TTC39C: variants seen among roughly 807,000 people sequenced by gnomAD.
TTC39C encodes the protein tetratricopeptide repeat protein 39C.
TTC39C carries 33 observed loss-of-function variants against 76.3 expected under a neutral mutation model. The observed-to-expected ratio is 0.43, with a 90% CI of 0.33 to 0.58. The LOEUF is 0.58. Among genes scored for constraint, TTC39C ranks in the 20% least tolerant of loss-of-function variants. The pLI is 0.04. For synonymous variants in TTC39C, 254 were observed against 260.6 expected (o/e 0.97, Z 0.24); for missense variants, 595 against 701.4 (o/e 0.85, Z 1.71).
At chr18:24,074,850 A>G (rs927626788) in intron 4 of TTC39C, among the ~76,000 whole-genome samples, 7 of 152,210 alleles carry the variant, frequency 4.6e-5, no homozygotes, top group South Asian at 2.1e-4. Flanking sequence ...ACACATGCAC[A>G]TGTATGTTTA....
chr18:24,025,920 G>T (rs528244682), intron 1 of TTC39C, among the ~76,000 whole-genome samples: 1 of 152,194 alleles, frequency 6.6e-6, no homozygotes, highest in South Asian at 2.1e-4. Flanking sequence ...TCTCTGTTGC[G>T]TTGGTGACGG....
intron 6 of TTC39C, among the ~76,000 whole-genome samples, chr18:24,085,108 A>T (rs1450680214): frequency 6.6e-6 from 1 of 152,232 alleles, no homozygotes; most frequent in Non-Finnish European, 1.5e-5. Flanking sequence ...GATATTTATT[A>T]CAAGGGGAAA....
In TTC39C at chr18:24,061,226, CTT is replaced by C. The variant is rs1220887860; in HGVS notation, c.168-2902_168-2901del. Reference sequence around the variant, plus strand: ...TCAATATCAGCAAATATTTAGTCTTCTTTTTTTTTTTTTAAAAAAATAGGTTT... The same window carrying C: ...TCAATATCAGCAAATATTTAGTCTTCTTTTTTTTTTTAAAAAAATAGGTTT... On this transcript the variant is annotated intron_variant, in intron 1 of 13. Coordinates refer to ENST00000317571, the MANE Select transcript of TTC39C (RefSeq NM_001135993.2). Among the ~76,000 whole-genome samples, 456 of 139,458 alleles carry C rather than the reference CTT, an allele frequency of 3.3e-3. 1 individual carries two copies. The highest frequency in any genetic ancestry group is 8.4e-3 in the African/African-American group (318 of 37,640). The allele number at this position is 139,458 out of a possible 152,430, so 91.5% of individuals were successfully genotyped here.
intron 4 of TTC39C, among the ~76,000 whole-genome samples, chr18:24,077,578 C>T (rs897401912): frequency 1.1e-4 from 16 of 152,054 alleles, no homozygotes; most frequent in African/African-American, 2.9e-4. Flanking sequence ...GGGCATTAGG[C>T]GGGATTGGAC....
chr18:24,131,333 G>A (rs752420895), intron 12 of TTC39C, among the ~76,000 whole-genome samples: 15 of 151,954 alleles, frequency 9.9e-5, no homozygotes, highest in African/African-American at 1.5e-4. Flanking sequence ...CTTAGAGGTT[G>A]CCTTTTATAG....
chr18:24,082,477 G>A (rs1029082994), intron 5 of TTC39C, among the ~76,000 whole-genome samples: 1 of 151,920 alleles, frequency 6.6e-6, no homozygotes, highest in African/African-American at 2.4e-5. Context: ...TTTTGTGAAC[G>A]CAAGAGAAAA....
chr18:24,090,325 C>G (rs978363902), intron 6 of TTC39C, among the ~76,000 whole-genome samples: 1 of 152,124 alleles, frequency 6.6e-6, no homozygotes, highest in African/African-American at 2.4e-5. Context: ...ATGAGAAATT[C>G]TCAAGAAATA....
At chr18:24,103,943 T>TG (rs542543511) in intron 6 of TTC39C, among the ~76,000 whole-genome samples, 7,359 of 151,658 alleles carry the variant, frequency 0.049, 393 homozygotes, top group East Asian at 0.22. Context: ...TTTTTTTTTT[T>TG]TTGTTTGAGA....
chr18:24,113,769 G>A, intron 6 of TTC39C: 2 of 689,578 alleles, frequency 2.9e-6, no homozygotes, highest in South Asian at 3.1e-5. Context: ...GCATCGTGTT[G>A]GCAGACCCTG....
chr18:24,055,586 G>A (rs1234740964), intron 1 of TTC39C, among the ~76,000 whole-genome samples: 4 of 152,070 alleles, frequency 2.6e-5, no homozygotes, highest in Admixed American at 1.3e-4. Context: ...TAGATTGTTC[G>A]TTTTTTGTTG....
At chr18:24,086,933 T>C (rs1189756241) in intron 6 of TTC39C, among the ~76,000 whole-genome samples, 2 of 152,108 alleles carry the variant, frequency 1.3e-5, no homozygotes, top group Admixed American at 1.3e-4. Context: ...TTTTTTTCTT[T>C]TGGGGAAAAA....
chr18:24,016,507 GTACTTGCATGTTTAAGTACTTCTTGC>G (rs2083456304), intron 1 of TTC39C: 1 of 392,194 alleles, frequency 2.5e-6, no homozygotes, highest in Non-Finnish European at 4.5e-6. Context: ...GATGATTTAG[GTACTTGCATGTTTAAGTACTTCTTGC>G]TTTGAAGTCT....
chr18:24,051,908 ACTC>A (rs2083955653), intron 1 of TTC39C, among the ~76,000 whole-genome samples: 1 of 152,038 alleles, frequency 6.6e-6, no homozygotes, highest in Admixed American at 6.6e-5. Context: ...GACCTGTTAA[ACTC>A]CAGATTCTGT....
At chr18:23,994,424 G>A (rs1368836948) in intron 1 of TTC39C, 1 of 152,048 alleles carries the variant, frequency 6.6e-6, no homozygotes, top group Non-Finnish European at 1.5e-5. Context: ...CAAACACTTA[G>A]GGAATCTGTC....
rs1192981582 is a variant in TTC39C, at chr18:24,066,078, A to G, written c.283A>G (p.Lys95Glu). 10 of 1,598,682 alleles carry G rather than the reference A, an allele frequency of 6.3e-6. No individual in the cohort carries two copies. Among genetic ancestry groups the G allele is most frequent in the African/African-American group, 1.4e-5 (1 of 73,686 alleles). ...ATGTGATGACTTAAAAACCACAGAA[A>G]AACTGTGTGAAAGTGAAGAGGCTGG... Reference protein sequence around the residue: ...LACDDLKTTEKLCESEEAGVI... With the variant: ...LACDDLKTTEELCESEEAGVI... The change falls in exon 3 of 14, where the codon AAA becomes GAA. Residue 95 changes from lysine (K) to glutamate (E), a missense_variant. By Grantham distance (56) the Lys-to-Glu change is moderately conservative. Transcript: ENST00000317571.
At chr18:24,093,057 A>G (rs1014112787) in intron 6 of TTC39C, among the ~76,000 whole-genome samples, 1 of 152,252 alleles carries the variant, frequency 6.6e-6, no homozygotes, top group African/African-American at 2.4e-5. Flanking sequence ...TGTATATTTT[A>G]AACTTAGATT....
chr18:24,013,573 A>G (rs909964741), upstream of TTC39C, among the ~76,000 whole-genome samples: 1 of 152,236 alleles, frequency 6.6e-6, no homozygotes, highest in Non-Finnish European at 1.5e-5. Context: ...ATTTAAAAAA[A>G]ATTCTGTTAT....
intron 4 of TTC39C, among the ~76,000 whole-genome samples, chr18:24,071,472 C>G (rs1372677887): frequency 1.3e-5 from 2 of 152,174 alleles, no homozygotes; most frequent in Non-Finnish European, 2.9e-5. Context: ...GTCATCATCT[C>G]CAATTTCACC....
At chr18:24,027,590 C>T (rs573061038) in intron 1 of TTC39C, among the ~76,000 whole-genome samples, 11 of 149,116 alleles carry the variant, frequency 7.4e-5, no homozygotes, top group South Asian at 4.2e-4. Flanking sequence ...GATAGGGCCT[C>T]GCTCTGTCAA....
Sources: allele counts gnomAD v4.1 joint callset (sites outside exome capture counted in the v4.1 genomes callset), GRCh38; gene constraint gnomAD v4.1.1; transcripts MANE v1.5; gene names NCBI Gene and HGNC (gene_info 2026-07-23, HGNC 2026-07-21).